Variants in TNFRSF8 observed in about 807,000 individuals in gnomAD.
TNFRSF8 encodes tumor necrosis factor receptor superfamily member 8.
A neutral mutation model predicts 70.8 loss-of-function variants in TNFRSF8; 26 were observed. The ratio of observed to expected loss-of-function variants is 0.37; its 90% confidence interval spans 0.27 to 0.51. The LOEUF (loss-of-function observed/expected upper bound fraction) is 0.51. Ranked by LOEUF, TNFRSF8 falls within the 20% of genes least tolerant of loss-of-function variation. The pLI is 0.94. For synonymous variants in TNFRSF8, 356 were observed against 339.2 expected (o/e 1.05, Z -0.54); for missense variants, 720 against 807.9 (o/e 0.89, Z 1.32).
chr1:12,117,676 A>G (rs964987002), intron 8 of TNFRSF8, among the ~76,000 whole-genome samples: 3 of 152,220 alleles, frequency 2.0e-5, no homozygotes, highest in Non-Finnish European at 2.9e-5. Flanking sequence ...TGGAATATTC[A>G]GTAGAGTCCT....
At chr1:12,134,913 C>G (rs1642116824) in intron 12 of TNFRSF8, among the ~76,000 whole-genome samples, 1 of 152,150 alleles carries the variant, frequency 6.6e-6, no homozygotes, top group Non-Finnish European at 1.5e-5. Context: ...CCAGTGGAAG[C>G]CTCCTGGGCT....
Position 12,063,789 on chromosome 1 carries a change from T to A in TNFRSF8, c.63+128T>A. On this transcript the variant is annotated intron_variant, in intron 1 of 14. Transcript: ENST00000263932. This position sits in a 1 kb window ranked among gnomAD's most constrained non-coding sequence, Gnocchi z 7.2. ...CCCAGCTGGAGTGAGGGGGCGCGGGTGACAAGCAGGAACACCGGAATATGC... is the reference window on the plus strand; with the variant it reads ...CCCAGCTGGAGTGAGGGGGCGCGGGAGACAAGCAGGAACACCGGAATATGC... 1 of 909,276 alleles carries A rather than the reference T, an allele frequency of 1.1e-6. No homozygotes were observed. Among genetic ancestry groups the A allele is most frequent in the Non-Finnish European group, 1.4e-6 (1 of 690,760 alleles). 56.3% of individuals were successfully genotyped at this position (909,276 alleles called of 1,614,324 possible).
At chr1:12,066,896 T>C (rs1172132955) in intron 1 of TNFRSF8, among the ~76,000 whole-genome samples, 1 of 138,078 alleles carries the variant, frequency 7.2e-6, no homozygotes, top group Non-Finnish European at 1.6e-5. Context: ...CAAGTGATCC[T>C]CCCACCTCGG....
intron 3 of TNFRSF8, among the ~76,000 whole-genome samples, chr1:12,099,926 T>A (rs1017668728): frequency 6.6e-6 from 1 of 152,094 alleles, no homozygotes; most frequent in Non-Finnish European, 1.5e-5. Context: ...GCCAGCACTT[T>A]GGGAGGCCGA....
chr1:12,138,292 C>T lies in TNFRSF8; in HGVS notation c.1399C>T (p.Pro467Ser), dbSNP rs984113284. ...GGAAGAGCGAGGGTTAATGAGCCAG[C>T]CACTGATGGAGACCTGCCACAGCGT... ...VAEERGLMSQ[P>S]LMETCHSVGA... The change falls in exon 14 of 15, where the codon CCA (proline) becomes TCA (serine). Residue 467 changes from proline (P) to serine (S), a missense_variant. Physicochemically the swap from Pro to Ser is moderately conservative, Grantham distance 74 (BLOSUM62 -1). Coordinates refer to ENST00000263932, the MANE Select transcript of TNFRSF8 (RefSeq NM_001243.5). The surrounding 1 kb of genome is among the most constrained non-coding windows in gnomAD (Gnocchi z 5.7). The T allele has an allele frequency of 1.6e-5, 26 of 1,613,512 alleles. No homozygotes were observed. The highest frequency in any genetic ancestry group is 1.9e-5 in the Non-Finnish European group (23 of 1,179,934).
intron 2 of TNFRSF8, among the ~76,000 whole-genome samples, chr1:12,087,431 G>A (rs1002754440): frequency 6.6e-6 from 1 of 152,150 alleles, no homozygotes; most frequent in African/African-American, 2.4e-5. Context: ...GCCTCATAAA[G>A]TGCTGGGATT....
chr1:12,101,676 C>G (rs1355929068), intron 3 of TNFRSF8, among the ~76,000 whole-genome samples: 5 of 142,144 alleles, frequency 3.5e-5, no homozygotes. Context: ...CCATTATAAT[C>G]TCTTTTATTG....
intron 12 of TNFRSF8, among the ~76,000 whole-genome samples, chr1:12,134,855 C>G (rs990724575): frequency 6.6e-6 from 1 of 152,166 alleles, no homozygotes; most frequent in African/African-American, 2.4e-5. Context: ...GCTCTCCACA[C>G]CCTGGAGACA....
In TNFRSF8 at chr1:12,115,620, C is replaced by T; in HGVS notation, c.837C>T (p.Arg279=). ...CGCCATGTGCATGGAACTCCTCCCGCACCTGCGAATGTCGACCTGGCATGA... is the reference window on the plus strand; with the variant it reads ...CGCCATGTGCATGGAACTCCTCCCGTACCTGCGAATGTCGACCTGGCATGA... ...EKTPCAWNSS[R]TCECRPGMIC... The change falls in exon 8 of 15, where the codon CGC becomes CGT. Residue 279 remains arginine, a synonymous_variant. Coordinates refer to ENST00000263932, the MANE Select transcript of TNFRSF8 (RefSeq NM_001243.5). 6.2e-7 allele frequency: 1 copy of T among 1,614,212 alleles called. No homozygotes were observed. Among genetic ancestry groups the T allele is most frequent in the Non-Finnish European group, 8.5e-7 (1 of 1,180,040 alleles).
chr1:12,126,171 GT>G lies in TNFRSF8; in HGVS notation c.1256-11del, dbSNP rs1227232252. 1 of 1,614,104 alleles carries G rather than the reference GT, an allele frequency of 6.2e-7. No individual in the cohort carries two copies. On this transcript the variant is annotated splice_polypyrimidine_tract_variant and intron_variant, in intron 11 of 14. Coordinates refer to ENST00000263932, the MANE Select transcript of TNFRSF8 (RefSeq NM_001243.5). ...GCCGCCACCCCCAGCCTTCCTCCTG[GT>G]GTCGTTTCAGAGCTCCACCTGTGCT...
At chr1:12,111,222 C>T (rs1641623875) in intron 6 of TNFRSF8, among the ~76,000 whole-genome samples, 1 of 151,982 alleles carries the variant, frequency 6.6e-6, no homozygotes, top group African/African-American at 2.4e-5. Flanking sequence ...TGCTCTGTCG[C>T]CCAGACTGGA....
chr1:12,139,065 T>C (rs1425654758), intron 14 of TNFRSF8, among the ~76,000 whole-genome samples: 1 of 140,800 alleles, frequency 7.1e-6, no homozygotes, highest in African/African-American at 2.9e-5. Flanking sequence ...TGGACAGACA[T>C]TGGCTTTGGC....
intron 8 of TNFRSF8, among the ~76,000 whole-genome samples, chr1:12,117,243 C>T (rs1641748644): frequency 6.6e-6 from 1 of 152,040 alleles, no homozygotes; most frequent in African/African-American, 2.4e-5. Flanking sequence ...CCACCACACC[C>T]AGCTAATTTT....
chr1:12,079,949 A>AT lies in TNFRSF8; in HGVS notation c.64-4498dup, dbSNP rs111729252. ...TCACTACTTTATTTTTTAATTCTCT[A>AT]TTTTTTTTTTTTTTTTTGAGGCAGG... On this transcript the variant is annotated intron_variant, in intron 1 of 14. Transcript: ENST00000263932. Among the ~76,000 whole-genome samples the AT allele has an allele frequency of 5.0e-3, 630 of 127,026 alleles. 6 individuals carry two copies. Among genetic ancestry groups the AT allele is most frequent in the South Asian group, 0.021 (82 of 3,882 alleles). 83.3% of individuals were successfully genotyped at this position (127,026 alleles called of 152,430 possible). A position where few individuals can be genotyped will look rare whatever the true frequency, so the allele number is the denominator to read the frequency against.
At chr1:12,129,216 T>C (rs1642001482) in intron 12 of TNFRSF8, among the ~76,000 whole-genome samples, 1 of 152,200 alleles carries the variant, frequency 6.6e-6, no homozygotes, top group Non-Finnish European at 1.5e-5. Context: ...AAAGAAATTC[T>C]TTTTTTGTTT....
In TNFRSF8 at chr1:12,112,998, C is replaced by T. The variant is rs1159071615; in HGVS notation, c.793+984C>T. Among the ~76,000 whole-genome samples, 1 of 152,256 alleles carries T rather than the reference C, an allele frequency of 6.6e-6. No homozygotes were observed. The highest frequency in any genetic ancestry group is 1.5e-5 in the Non-Finnish European group (1 of 68,044). On this transcript the variant is annotated intron_variant, in intron 7 of 14. Transcript: ENST00000263932. This position sits in a 1 kb window ranked among gnomAD's most constrained non-coding sequence, Gnocchi z 5.3. ...GACACTGTTTGTTGTCATTGGAGGT[C>T]TCTGTCCTAGTTACTAAGGCTGCAT...
Position 12,109,556 on chromosome 1 carries a change from C to G in TNFRSF8, c.422-10C>G, listed in dbSNP as rs770373446. ...CACTGATTCTGAAGGCACTGCTGTC[C>G]CCCCTGCAGGCACGGCGCAGAAGAA... On this transcript the variant is annotated splice_polypyrimidine_tract_variant and intron_variant, in intron 4 of 14. Transcript: ENST00000263932. The surrounding 1 kb of genome is among the most constrained non-coding windows in gnomAD (Gnocchi z 4.4). The G allele has an allele frequency of 1.2e-6, 2 of 1,612,068 alleles. No homozygotes were observed. Among genetic ancestry groups the G allele is most frequent in the Non-Finnish European group, 1.7e-6 (2 of 1,178,746 alleles).
chr1:12,085,048 C>CT (rs2100969152), intron 2 of TNFRSF8, among the ~76,000 whole-genome samples: 2 of 152,320 alleles, frequency 1.3e-5, no homozygotes, highest in South Asian at 4.1e-4. Context: ...TCAACATCCT[C>CT]TGACCACCCT....
At chr1:12,106,347 T>A (rs966969449) in intron 4 of TNFRSF8, among the ~76,000 whole-genome samples, 1 of 152,072 alleles carries the variant, frequency 6.6e-6, no homozygotes, top group East Asian at 1.9e-4. Context: ...CAAATCCTAC[T>A]CAGCCCTGAG....
Sources: allele counts gnomAD v4.1 joint callset (sites outside exome capture counted in the v4.1 genomes callset), GRCh38; gene constraint gnomAD v4.1.1; non-coding constraint Gnocchi (gnomAD v3.1); transcripts MANE v1.5; gene names NCBI Gene and HGNC (gene_info 2026-07-23, HGNC 2026-07-21).